Variants in NCAM2 observed in about 807,000 individuals in gnomAD.
The protein encoded by NCAM2 is neural cell adhesion molecule 2.
Under a neutral mutation model 98.1 loss-of-function variants are expected in NCAM2, and 30 were observed. The observed-to-expected ratio is 0.31, with a 90% CI of 0.23 to 0.41. NCAM2 has a LOEUF of 0.41. NCAM2 is among the 10% of genes least tolerant of loss of function. NCAM2 has a pLI of 1.00. For synonymous variants in NCAM2, 368 were observed against 342.4 expected (o/e 1.07, Z -0.83); for missense variants, 867 against 1,005.8 (o/e 0.86, Z 1.87).
At chr21:21,110,853 T>C (rs1380099924) in intron 1 of NCAM2, among the ~76,000 whole-genome samples, 1 of 151,928 alleles carries the variant, frequency 6.6e-6, no homozygotes, top group Non-Finnish European at 1.5e-5. Flanking sequence ...TTCAATTAAA[T>C]ACAGATTATA....
intron 5 of NCAM2, among the ~76,000 whole-genome samples, chr21:21,296,708 AAAGGGC>A (rs1250294358): frequency 1.3e-5 from 2 of 151,742 alleles, no homozygotes; most frequent in African/African-American, 4.8e-5. Flanking sequence ...GGCCTTTACT[AAAGGGC>A]AAGGAAATGA....
chr21:21,467,909 T>C (rs888353653), intron 13 of NCAM2, among the ~76,000 whole-genome samples: 8 of 151,866 alleles, frequency 5.3e-5, no homozygotes, highest in African/African-American at 1.9e-4. Context: ...GACAATAACC[T>C]GCTGAGAAGA....
At chr21:21,426,260 G>A (rs2077212024) in intron 11 of NCAM2, among the ~76,000 whole-genome samples, 1 of 152,118 alleles carries the variant, frequency 6.6e-6, no homozygotes, top group Non-Finnish European at 1.5e-5. Context: ...AAGTAAGGTA[G>A]CCACTCAAAA....
At chr21:21,152,773 AGTT>A (rs879209231) in intron 1 of NCAM2, among the ~76,000 whole-genome samples, 25 of 152,036 alleles carry the variant, frequency 1.6e-4, no homozygotes, top group Admixed American at 9.2e-4. Flanking sequence ...ACTCTCCAGT[AGTT>A]GTTGTTTCCC....
chr21:21,348,644 A>C (rs1409721536), intron 8 of NCAM2, among the ~76,000 whole-genome samples: 1 of 152,008 alleles, frequency 6.6e-6, no homozygotes, highest in East Asian at 1.9e-4. Context: ...CCAAAGCAAA[A>C]AGAATAAAAC....
In NCAM2 at chr21:21,224,248, A is replaced by C. The variant is rs1358779299; in HGVS notation, c.56-56330A>C. 2.0e-5 allele frequency among the ~76,000 whole-genome samples: 3 copies of C among 152,188 alleles called. 1 individual carries two copies. The highest frequency in any genetic ancestry group is 4.4e-5 in the Non-Finnish European group (3 of 68,026). On this transcript the variant is annotated intron_variant, in intron 1 of 17. Transcript: ENST00000400546. ...TGAATAAGAAAGAAATTTCTCCAAA[A>C]AAGAAAAGCAATTTTGTTTGCTGTG... is the stretch of plus-strand genomic sequence containing the variant.
intron 5 of NCAM2, among the ~76,000 whole-genome samples, chr21:21,316,803 C>A (rs1436749800): frequency 6.6e-6 from 1 of 152,096 alleles, no homozygotes; most frequent in African/African-American, 2.4e-5. Context: ...CTCAGCCTCC[C>A]AAAGTGCTGG....
chr21:21,112,602 C>T (rs1381519912), intron 1 of NCAM2, among the ~76,000 whole-genome samples: 5 of 152,138 alleles, frequency 3.3e-5, no homozygotes, highest in East Asian at 3.9e-4. Flanking sequence ...TTTTTTGACA[C>T]ACTGATTGCT....
intron 15 of NCAM2, among the ~76,000 whole-genome samples, chr21:21,498,095 CT>C (rs1987373251): frequency 1.3e-5 from 2 of 151,914 alleles, no homozygotes; most frequent in Admixed American, 6.6e-5. Context: ...ATTTATAGAT[CT>C]AAAAAGAGTT....
In NCAM2 at chr21:21,334,080, C is replaced by T. The variant is rs554513218; in HGVS notation, c.738-1425C>T. ...TCGGAGTAGCTGGGATTACAGGCGC[C>T]TGCTACCACGCCAGGCTAGTCTTTG... On this transcript the variant is annotated intron_variant, in intron 6 of 17. Coordinates refer to ENST00000400546, the MANE Select transcript of NCAM2 (RefSeq NM_004540.5). Among the ~76,000 whole-genome samples, 4 of 152,112 alleles carry T rather than the reference C, an allele frequency of 2.6e-5. No homozygotes were observed. The East Asian group carries it at 5.8e-4, about 22-fold the overall frequency.
chr21:21,478,505 TATATC>T (rs918784881), intron 15 of NCAM2, among the ~76,000 whole-genome samples: 18 of 152,154 alleles, frequency 1.2e-4, no homozygotes, highest in Non-Finnish European at 1.6e-4. Flanking sequence ...ATGATTTTGT[TATATC>T]ATACATCAGT....
intron 1 of NCAM2, among the ~76,000 whole-genome samples, chr21:21,165,807 C>A (rs2067933599): frequency 6.6e-6 from 1 of 151,970 alleles, no homozygotes; most frequent in Non-Finnish European, 1.5e-5. Flanking sequence ...ATGAATTGGC[C>A]CTTGTACATA....
At position 21,542,733 on chromosome 21, in the gene NCAM2, G is replaced by T. The variant is rs1450015974; in HGVS notation, c.*4776G>T. ...TAAGAAGGACCTGACTTTGAGAAGT[G>T]CTAGACCAGGGACTAGGAACGTTGC... On this transcript the variant is annotated 3_prime_UTR_variant, in exon 18 of 18. Transcript: ENST00000400546. The T allele has an allele frequency of 6.6e-6, 1 of 151,848 alleles. No individual in the cohort carries two copies. Among genetic ancestry groups the T allele is most frequent in the Non-Finnish European group, 1.5e-5 (1 of 67,856 alleles). The allele number at this position is 151,848 out of a possible 1,614,324, so 9.4% of individuals were successfully genotyped here. A position where few individuals can be genotyped will look rare whatever the true frequency, so the allele number is the denominator to read the frequency against.
intron 9 of NCAM2, among the ~76,000 whole-genome samples, chr21:21,378,949 A>G (rs891741569): frequency 7.1e-6 from 1 of 141,728 alleles, no homozygotes; most frequent in African/African-American, 2.5e-5. Flanking sequence ...GGACTTTTAC[A>G]TGTTATACGG....
intron 1 of NCAM2, among the ~76,000 whole-genome samples, chr21:21,188,293 ATACT>A (rs1160251775): frequency 6.6e-6 from 1 of 152,180 alleles, no homozygotes; most frequent in Non-Finnish European, 1.5e-5. Context: ...TAGATAATAA[ATACT>A]TACAAATTTT....
At chr21:21,509,196 T>G (rs1988201511) in intron 16 of NCAM2, 141 bp downstream of exon 16, 1 of 690,762 alleles carries the variant, frequency 1.4e-6, no homozygotes, top group African/African-American at 1.8e-5. Context: ...CTGCCTGCTC[T>G]CTGACCTTGA....
chr21:21,265,158 A>G (rs1430064506), intron 1 of NCAM2, among the ~76,000 whole-genome samples: 6 of 115,280 alleles, frequency 5.2e-5, no homozygotes, highest in Non-Finnish European at 6.6e-5. Context: ...ATACATATAT[A>G]CTTATATATA....
chr21:21,164,826 G>A (rs1313144099), intron 1 of NCAM2, among the ~76,000 whole-genome samples: 1 of 152,182 alleles, frequency 6.6e-6, no homozygotes, highest in East Asian at 1.9e-4. Flanking sequence ...TACCAATGTA[G>A]GGTTTACTCT....
chr21:21,275,981 T>C (rs915822046), intron 1 of NCAM2, among the ~76,000 whole-genome samples: 3 of 152,194 alleles, frequency 2.0e-5, no homozygotes, highest in East Asian at 3.8e-4. Context: ...CTAGATGAGA[T>C]GGACCTTGTC....
Sources: gnomAD v4.1 joint callset for allele counts (sites outside exome capture counted in the v4.1 genomes callset) on GRCh38, gnomAD v4.1.1 for gene constraint, MANE v1.5 for transcripts, NCBI Gene and HGNC (gene_info 2026-07-23, HGNC 2026-07-21) for gene names.